The following EML2 variants were observed in gnomAD, a reference collection of about 807,000 sequenced individuals.
EML2 encodes the protein echinoderm microtubule-associated protein-like 2.
EML2 carries 59 observed loss-of-function variants against 84.7 expected under a neutral mutation model. The ratio of observed to expected loss-of-function variants is 0.70; its 90% CI spans 0.56 to 0.86. The LOEUF is 0.86. EML2 is among the 40% of genes least tolerant of loss of function. The pLI is 0.00. For missense variants in EML2, 818 were observed against 855.6 expected, an observed-to-expected ratio of 0.96 and a Z score of 0.55; for synonymous variants, 352 against 348.9, an observed-to-expected ratio of 1.01 and a Z score of -0.10.
At chr19:45,610,602 C>A (rs1253292416) in intron 18 of EML2, among the ~76,000 whole-genome samples, 1 of 152,020 alleles carries the variant, frequency 6.6e-6, no homozygotes, top group Non-Finnish European at 1.5e-5. Flanking sequence ...CTTTGGGAGG[C>A]CAAGTTGGGG....
intron 9 of EML2, 118 bp from the exon 10 acceptor site, chr19:45,621,755 T>C (rs1030748051): frequency 8.1e-7 from 1 of 1,231,998 alleles, no homozygotes; most frequent in East Asian, 2.6e-5. Flanking sequence ...TCCACCTTTT[T>C]TTTTTTTTTG....
intron 16 of EML2, 150 bp downstream of exon 16, chr19:45,615,652 T>C: frequency 1.6e-6 from 1 of 633,788 alleles, no homozygotes; most frequent in South Asian, 2.0e-5. Flanking sequence ...AGGGAGAAAA[T>C]GAGAAGCCAG....
At position 45,626,844 on chromosome 19, in the gene EML2, G is replaced by C. The variant is rs755087387; in HGVS notation, c.607-5C>G. The C allele has an allele frequency of 1.9e-6, 3 of 1,605,784 alleles. No homozygotes were observed. The highest frequency in any genetic ancestry group is 3.4e-5 in the Admixed American group (2 of 58,756). Reference sequence around the variant, plus strand: ...CAATACAGCCTCATTGGAGCACTTTGGGGGGTGGGGGAGATTCTGAATGAG... The same window carrying C: ...CAATACAGCCTCATTGGAGCACTTTCGGGGGTGGGGGAGATTCTGAATGAG... On this transcript the variant is annotated splice_polypyrimidine_tract_variant and splice_region_variant and intron_variant, in intron 7 of 18. Coordinates refer to ENST00000245925, the MANE Select transcript of EML2 (RefSeq NM_012155.4).
At chr19:45,638,415 G>A (rs1974023413) in intron 3 of EML2, 90 bp downstream of exon 3, 1 of 1,576,412 alleles carries the variant, frequency 6.3e-7, no homozygotes, top group Admixed American at 1.7e-5. Context: ...CTCCCAAAGT[G>A]CTGAGATTAC....
At chr19:45,613,701 A>G (rs1295357652) in intron 17 of EML2, 30 bp from the exon 18 acceptor site, 1 of 1,603,262 alleles carries the variant, frequency 6.2e-7, no homozygotes, top group South Asian at 1.1e-5. Flanking sequence ...AAGTGGTAAG[A>G]TGTCAGCTGG....
At chr19:45,643,460 T>A, upstream of EML2, 17 of 1,236,002 alleles carry the variant, frequency 1.4e-5, no homozygotes, top group Non-Finnish European at 1.6e-5. Context: ...CTCTCCAGCC[T>A]ATGGGTGCAG....
At chr19:45,643,232 C>G (rs906270740), upstream of EML2, among the ~76,000 whole-genome samples, 1 of 152,172 alleles carries the variant, frequency 6.6e-6, no homozygotes, top group Non-Finnish European at 1.5e-5. Context: ...GTTTCCCCTC[C>G]TCTCCTCACC....
chr19:45,639,909 A>G (rs1974257450), upstream of EML2: 1 of 152,180 alleles, frequency 6.6e-6, no homozygotes, highest in Admixed American at 6.6e-5. Context: ...CAGGAAAATC[A>G]TTCGAACTCG....
At position 45,634,331 on chromosome 19, in the gene EML2, T is replaced by G; in HGVS notation, c.320A>C (p.Asp107Ala). 1.9e-6 allele frequency: 3 copies of G among 1,613,322 alleles called. No individual in the cohort carries two copies. The highest frequency in any genetic ancestry group is 2.5e-6 in the Non-Finnish European group (3 of 1,179,504). The change falls in exon 4 of 19, where the codon GAC becomes GCC. Residue 107 changes from aspartate (D) to alanine (A), a missense_variant. Coordinates refer to ENST00000245925, the MANE Select transcript of EML2 (RefSeq NM_012155.4). ...RQRHYLGHND[D>A]IKCLAIHPDM... is the part of the protein sequence containing the mutation. ...CTGTCCCACATCTCACCATTTGATG[T>G]CATCGTTGTGTCCCAGGTAGTGTCG...
upstream of EML2, chr19:45,641,406 C>T (rs910166062): frequency 7.5e-6 from 4 of 532,054 alleles, no homozygotes; most frequent in East Asian, 3.2e-5. Context: ...TAGACCTGAC[C>T]GTCCAGCTTC....
chr19:45,645,445 C>T (rs1416039061), upstream of EML2: 1 of 1,424,744 alleles, frequency 7.0e-7, no homozygotes, highest in Non-Finnish European at 9.1e-7. Flanking sequence ...GTTCCAGCAT[C>T]CCCAGCTCAG....
At chr19:45,636,250 A>G (rs1321476819) in intron 3 of EML2, among the ~76,000 whole-genome samples, 1 of 152,202 alleles carries the variant, frequency 6.6e-6, no homozygotes, top group Non-Finnish European at 1.5e-5. Context: ...CTGGGATTAC[A>G]GGCATGAGCC....
chr19:45,629,801 G>A, intron 7 of EML2, 150 bp downstream of exon 7: 1 of 638,524 alleles, frequency 1.6e-6, no homozygotes, highest in Non-Finnish European at 2.9e-6. Flanking sequence ...AGGCTCTGAG[G>A]TGGCAAGCGG....
At chr19:45,632,770 G>T in intron 6 of EML2, 91 bp downstream of exon 6, 1 of 1,114,840 alleles carries the variant, frequency 9.0e-7, no homozygotes, top group Non-Finnish European at 1.3e-6. Context: ...AGGATTCCCG[G>T]CCCTCAACCC....
At chr19:45,641,787 G>A (rs1220683086), upstream of EML2, 9 of 1,531,486 alleles carry the variant, frequency 5.9e-6, no homozygotes, top group Non-Finnish European at 7.9e-6. Flanking sequence ...AGCCTTCTAG[G>A]CCAGCAGGCG....
intron 12 of EML2, among the ~76,000 whole-genome samples, chr19:45,618,419 T>C (rs1971324520): frequency 1.3e-5 from 2 of 152,052 alleles, no homozygotes; most frequent in South Asian, 2.1e-4. Flanking sequence ...TGAATAGCCA[T>C]GTGTGGCCAG....
intron 3 of EML2, among the ~76,000 whole-genome samples, chr19:45,637,470 A>ATTTTTT (rs66503218): frequency 2.9e-4 from 29 of 101,632 alleles, no homozygotes; most frequent in African/African-American, 8.4e-4. Flanking sequence ...ATTATTTTGG[A>ATTTTTT]TTTTTTTTTT....
At chr19:45,639,260 C>G (rs1974156609) in intron 1 of EML2, 97 bp downstream of exon 1, 2 of 1,196,282 alleles carry the variant, frequency 1.7e-6, no homozygotes, top group African/African-American at 3.2e-5. Flanking sequence ...GGGCGTGTCC[C>G]CACGCCGGTC....
intron 13 of EML2, 78 bp from the exon 14 acceptor site, chr19:45,616,931 G>A (rs1971156934): frequency 8.9e-7 from 1 of 1,118,182 alleles, no homozygotes; most frequent in Non-Finnish European, 1.3e-6. Flanking sequence ...TGGGGTCTAA[G>A]GGAGGGATCA....
Sources: gnomAD v4.1 joint callset for allele counts (sites outside exome capture counted in the v4.1 genomes callset) on GRCh38, gnomAD v4.1.1 for gene constraint, MANE v1.5 for transcripts, NCBI Gene and HGNC (gene_info 2026-07-23, HGNC 2026-07-21) for gene names.